Variants in NRCAM observed in about 807,000 individuals in gnomAD.
The protein encoded by NRCAM is NgCAM-related cell adhesion molecule.
Under a neutral mutation model 156.5 loss-of-function variants are expected in NRCAM, and 83 were observed. The ratio of observed to expected loss-of-function variants is 0.53; its 90% CI spans 0.44 to 0.64. NRCAM has a LOEUF of 0.64. Ranked by LOEUF, NRCAM falls within the 30% of genes least tolerant of loss-of-function variation. NRCAM has a pLI of 0.00. For synonymous variants in NRCAM, 538 were observed against 563.9 expected (o/e 0.95, Z 0.65); for missense variants, 1,417 against 1,597.3 (o/e 0.89, Z 1.92).
At chr7:108,453,493 TGTG>T (rs2154502250) in intron 1 of NRCAM, among the ~76,000 whole-genome samples, 1 of 152,318 alleles carries the variant, frequency 6.6e-6, no homozygotes, top group African/African-American at 2.4e-5. Flanking sequence ...ACAAAAATGA[TGTG>T]GTGTAAGGGC....
At chr7:108,181,738 C>A in intron 24 of NRCAM, 84 bp downstream of exon 24, 1 of 805,688 alleles carries the variant, frequency 1.2e-6, no homozygotes, top group South Asian at 1.8e-5. Flanking sequence ...AACAAATAAG[C>A]CCCACCTCCT....
At chr7:108,259,086 C>G (rs1245834971) in intron 3 of NRCAM, among the ~76,000 whole-genome samples, 1 of 152,198 alleles carries the variant, frequency 6.6e-6, no homozygotes, top group Non-Finnish European at 1.5e-5. Flanking sequence ...TGGGACAACA[C>G]AGCGTGGAAC....
chr7:108,307,008 G>C (rs976886120), intron 3 of NRCAM, among the ~76,000 whole-genome samples: 2 of 152,198 alleles, frequency 1.3e-5, no homozygotes, highest in African/African-American at 4.8e-5. Context: ...CCAAGCATTT[G>C]TGTTTATTAG....
At chr7:108,164,195 CA>C in intron 30 of NRCAM, among the ~76,000 whole-genome samples, 1 of 76,026 alleles carries the variant, frequency 1.3e-5, no homozygotes, top group Non-Finnish European at 2.5e-5. Context: ...GAGGTCATAC[CA>C]GGTGGGGTGG....
At chr7:108,285,292 C>T (rs1189978953) in intron 3 of NRCAM, among the ~76,000 whole-genome samples, 1 of 152,204 alleles carries the variant, frequency 6.6e-6, no homozygotes, top group Non-Finnish European at 1.5e-5. Flanking sequence ...AAATACTATA[C>T]CACTAATCCT....
intron 1 of NRCAM, among the ~76,000 whole-genome samples, chr7:108,434,440 G>GAAA (rs1009232034): frequency 2.0e-5 from 3 of 151,956 alleles, no homozygotes; most frequent in Non-Finnish European, 4.4e-5. Context: ...CAGAGGGCTA[G>GAAA]AAAAAGTGCT....
intron 3 of NRCAM, among the ~76,000 whole-genome samples, chr7:108,273,670 A>C (rs1242117894): frequency 1.3e-5 from 2 of 152,194 alleles, no homozygotes; most frequent in South Asian, 4.2e-4. Context: ...AGATTGCAAA[A>C]ATTTTCTCCC....
At chr7:108,177,624 A>AATATATATATATAT (rs59391934) in intron 26 of NRCAM, among the ~76,000 whole-genome samples, 1 of 80,618 alleles carries the variant, frequency 1.2e-5, no homozygotes, top group African/African-American at 3.5e-5. Context: ...CTCCATCTCA[A>AATATATATATATAT]ATATATATAT....
At chr7:108,455,107 CCCCGGGG>C (rs1428039936) in intron 1 of NRCAM, among the ~76,000 whole-genome samples, 1 of 152,170 alleles carries the variant, frequency 6.6e-6, no homozygotes, top group Non-Finnish European at 1.5e-5. Context: ...TGTTCGCCAG[CCCCGGGG>C]CCCGGGGAGC....
chr7:108,297,366 G>A (rs572128853), intron 3 of NRCAM, among the ~76,000 whole-genome samples: 1 of 152,280 alleles, frequency 6.6e-6, no homozygotes, highest in Non-Finnish European at 1.5e-5. Flanking sequence ...CCTGCTAGCA[G>A]AATTTGTGAG....
At chr7:108,423,271 A>G (rs1176643601) in intron 1 of NRCAM, among the ~76,000 whole-genome samples, 2 of 152,142 alleles carry the variant, frequency 1.3e-5, no homozygotes, top group African/African-American at 2.4e-5. Context: ...AAATGAAAGC[A>G]TAAGAAAGAT....
chr7:108,417,708 G>C (rs1803363590), intron 1 of NRCAM, among the ~76,000 whole-genome samples: 1 of 152,080 alleles, frequency 6.6e-6, no homozygotes, highest in African/African-American at 2.4e-5. Context: ...ACACTAGGCA[G>C]ATGGCTCTTT....
chr7:108,351,149 T>C (rs986632121), intron 2 of NRCAM, among the ~76,000 whole-genome samples: 1 of 152,264 alleles, frequency 6.6e-6, no homozygotes. Context: ...ATTAGTGATA[T>C]TATCTTGGGA....
chr7:108,397,887 T>C (rs2099781513), intron 2 of NRCAM, among the ~76,000 whole-genome samples: 5 of 152,072 alleles, frequency 3.3e-5, no homozygotes, highest in Admixed American at 3.3e-4. Flanking sequence ...AAATCCTAAT[T>C]TATTATGCCA....
intron 2 of NRCAM, among the ~76,000 whole-genome samples, chr7:108,385,777 T>C (rs141920077): frequency 1.3e-5 from 2 of 152,228 alleles, no homozygotes; most frequent in Non-Finnish European, 2.9e-5. Context: ...CGTATTTGAA[T>C]GGAATGTATT....
rs180697830 is a variant in NRCAM at position 108,184,622 on chromosome 7, C to T, written c.2036-8G>A. 1.8e-4 allele frequency: 284 copies of T among 1,609,920 alleles called. 1 individual carries two copies. The East Asian group carries it at 3.7e-3, about 21-fold the overall frequency. ...CATATTCGATGATGAATTCTGGTCA[C>T]GACACACACACACCAAACCCAAGAC... is the stretch of plus-strand genomic sequence containing the variant. On this transcript the variant is annotated splice_polypyrimidine_tract_variant and splice_region_variant and intron_variant, in intron 20 of 32. Transcript: ENST00000379028.
intron 3 of NRCAM, among the ~76,000 whole-genome samples, chr7:108,296,148 C>T (rs1468907454): frequency 6.6e-6 from 1 of 152,208 alleles, no homozygotes; most frequent in East Asian, 1.9e-4. Context: ...AGCATGCCAA[C>T]TACTCAGAGA....
intron 2 of NRCAM, among the ~76,000 whole-genome samples, chr7:108,389,994 C>T (rs1021952793): frequency 7.9e-5 from 12 of 152,096 alleles, no homozygotes; most frequent in Non-Finnish European, 1.5e-4. Context: ...CGACATTCAT[C>T]GGGGATATTG....
chr7:108,181,775 C>G, intron 24 of NRCAM, 47 bp downstream of exon 24: 1 of 1,320,484 alleles, frequency 7.6e-7, no homozygotes, highest in Non-Finnish European at 1.1e-6. Context: ...GTGGCATTCG[C>G]TGCAGCCCTT....
Sources: allele counts gnomAD v4.1 joint callset (sites outside exome capture counted in the v4.1 genomes callset), GRCh38; gene constraint gnomAD v4.1.1; transcripts MANE v1.5; gene names NCBI Gene and HGNC (gene_info 2026-07-23, HGNC 2026-07-21).